Variants in LARGE1 observed in about 807,000 individuals in gnomAD.
LARGE1 encodes the protein xylosyl- and glucuronyltransferase LARGE1.
A neutral mutation model predicts 87.6 loss-of-function variants in LARGE1; 43 were observed. The ratio of observed to expected loss-of-function variants is 0.49; its 90% CI spans 0.38 to 0.63. LARGE1 has a LOEUF of 0.63. LARGE1 is among the 30% of genes least tolerant of loss of function. The pLI is 0.00. For synonymous variants in LARGE1, 434 were observed against 394.6 expected (o/e 1.10, Z -1.18); for missense variants, 802 against 1,000.2 (o/e 0.80, Z 2.67).
intron 1 of LARGE1, among the ~76,000 whole-genome samples, chr22:33,893,090 C>T (rs2065045778): frequency 1.3e-5 from 2 of 152,102 alleles, no homozygotes; most frequent in Admixed American, 6.5e-5. Flanking sequence ...ACTTATGAAA[C>T]GATGCATTAT....
At chr22:33,172,933 C>T (rs1010010321) in intron 11 of LARGE1, among the ~76,000 whole-genome samples, 4 of 152,150 alleles carry the variant, frequency 2.6e-5, no homozygotes, top group African/African-American at 7.2e-5. Context: ...GGAAAACACA[C>T]ATCAGGGTAT....
chr22:33,730,331 C>T (rs1051596458), intron 2 of LARGE1, among the ~76,000 whole-genome samples: 25 of 152,264 alleles, frequency 1.6e-4, no homozygotes, highest in Admixed American at 1.4e-3. Context: ...TGTGAATCAA[C>T]TGTTACTGTT....
At chr22:33,734,226 C>A (rs1357090708) in intron 2 of LARGE1, among the ~76,000 whole-genome samples, 2 of 152,192 alleles carry the variant, frequency 1.3e-5, no homozygotes, top group Non-Finnish European at 2.9e-5. Context: ...CTGCAAAGAC[C>A]CTCTTTCCAC....
intron 9 of LARGE1, among the ~76,000 whole-genome samples, chr22:33,378,834 AT>A (rs1462581690): frequency 6.6e-6 from 1 of 152,192 alleles, no homozygotes; most frequent in Non-Finnish European, 1.5e-5. Context: ...CCTCTGACAG[AT>A]TTGCTGTAAA....
chr22:33,214,783 C>T (rs968322453), intron 11 of LARGE1, among the ~76,000 whole-genome samples: 1 of 152,152 alleles, frequency 6.6e-6, no homozygotes, highest in South Asian at 2.1e-4. Context: ...TATCTGTTTT[C>T]GCCAACCTAA....
intron 12 of LARGE1, 31 bp from the exon 13 acceptor site, chr22:33,283,379 G>A: frequency 2.5e-6 from 4 of 1,613,988 alleles, no homozygotes; most frequent in Non-Finnish European, 3.4e-6. Context: ...GAGAGACAGA[G>A]TCCCTGTGAC....
intron 1 of LARGE1, among the ~76,000 whole-genome samples, chr22:33,878,228 T>G (rs1208449572): frequency 1.7e-5 from 2 of 117,328 alleles, no homozygotes; most frequent in African/African-American, 6.3e-5. Flanking sequence ...ACCTCCACCT[T>G]CTGGTTTCAA....
intron 2 of LARGE1, among the ~76,000 whole-genome samples, chr22:33,723,452 G>T (rs2083170475): frequency 3.9e-5 from 6 of 152,150 alleles, no homozygotes. Context: ...GAAATCCATT[G>T]TGTCCAGTGA....
chr22:33,692,183 C>G (rs796471732), intron 2 of LARGE1, among the ~76,000 whole-genome samples: 45 of 152,266 alleles, frequency 3.0e-4, no homozygotes, highest in African/African-American at 1.1e-3. Flanking sequence ...ATGTAAATGA[C>G]AACTTCTCTT....
chr22:33,250,283 T>C (rs1959532790), intron 11 of LARGE1, among the ~76,000 whole-genome samples: 1 of 152,218 alleles, frequency 6.6e-6, no homozygotes, highest in South Asian at 2.1e-4. Context: ...AAGGTGTTAA[T>C]GTGAATAGTC....
chr22:33,705,812 A>G (rs1287329761), intron 2 of LARGE1, among the ~76,000 whole-genome samples: 2 of 152,346 alleles, frequency 1.3e-5, no homozygotes, highest in Non-Finnish European at 2.9e-5. Context: ...GGCAATAAAC[A>G]TGATAATGTT....
At chr22:33,697,251 G>A (rs948817925) in intron 2 of LARGE1, among the ~76,000 whole-genome samples, 27 of 152,090 alleles carry the variant, frequency 1.8e-4, no homozygotes, top group African/African-American at 4.1e-4. Flanking sequence ...TATGGTTCTC[G>A]TCCTGCTTAT....
chr22:33,495,172 G>T (rs1200970172), intron 6 of LARGE1, among the ~76,000 whole-genome samples: 1 of 136,532 alleles, frequency 7.3e-6, no homozygotes, highest in Non-Finnish European at 1.5e-5. Context: ...TCTCTCCTTT[G>T]CATCTGCCTT....
At chr22:33,141,591 T>G in the LARGE1 span, among the ~76,000 whole-genome samples, 1 of 152,092 alleles carries the variant, frequency 6.6e-6, no homozygotes, top group African/African-American at 2.4e-5. Flanking sequence ...CAAAGGACAA[T>G]TTTTAGAGTA....
At chr22:33,392,277 A>G (rs566227052) in intron 7 of LARGE1, among the ~76,000 whole-genome samples, 1 of 152,260 alleles carries the variant, frequency 6.6e-6, no homozygotes, top group Admixed American at 6.5e-5. Context: ...GATTCTTGAA[A>G]AAAGTCACTG....
chr22:33,841,074 G>A (rs1281683158), intron 1 of LARGE1, among the ~76,000 whole-genome samples: 1 of 152,202 alleles, frequency 6.6e-6, no homozygotes, highest in Non-Finnish European at 1.5e-5. Flanking sequence ...ACAGGCCAAT[G>A]AAAGTGAGCA....
intron 2 of LARGE1, among the ~76,000 whole-genome samples, chr22:33,660,096 T>G (rs1167563688): frequency 2.1e-4 from 29 of 138,724 alleles, no homozygotes; most frequent in African/African-American, 5.0e-4. Context: ...GTGTGTTTTT[T>G]TTTTTTTTTT....
intron 1 of LARGE1, among the ~76,000 whole-genome samples, chr22:33,886,659 AAAAAAAAAAAAAAAAG>A (rs1458107393): frequency 5.0e-5 from 7 of 140,262 alleles, no homozygotes; most frequent in East Asian, 2.5e-4. Context: ...ATTCTGCCAA[AAAAAAAAAAAAAAAAG>A]AAAAAAAAAG....
intron 1 of LARGE1, among the ~76,000 whole-genome samples, chr22:33,829,305 G>A (rs533602494): frequency 2.0e-5 from 3 of 151,968 alleles, no homozygotes; most frequent in South Asian, 2.1e-4. Context: ...CACCGCACCC[G>A]GTCTTGTAGT....
Sources: gnomAD v4.1 joint callset for allele counts (sites outside exome capture counted in the v4.1 genomes callset) on GRCh38, gnomAD v4.1.1 for gene constraint, MANE v1.5 for transcripts, NCBI Gene and HGNC (gene_info 2026-07-23, HGNC 2026-07-21) for gene names.